Variants in PROM1 observed in about 807,000 individuals in gnomAD.
PROM1 encodes the protein prominin-1.
In PROM1, 105 loss-of-function variants were observed where a neutral mutation model predicts 116.9. The ratio of observed to expected loss-of-function variants is 0.90; its 90% CI spans 0.77 to 1.06. PROM1 has a LOEUF of 1.06. Among genes scored for constraint, PROM1 ranks in the 50% least tolerant of loss-of-function variants. The pLI is 0.00. For missense variants in PROM1, 1,122 were observed against 1,045.2 expected, an observed-to-expected ratio of 1.07 and a Z score of -1.01; for synonymous variants, 393 against 387.0, an observed-to-expected ratio of 1.02 and a Z score of -0.18.
At chr4:16,027,375 A>C (rs1354062249) in intron 5 of PROM1, among the ~76,000 whole-genome samples, 9 of 152,112 alleles carry the variant, frequency 5.9e-5, no homozygotes, top group Admixed American at 5.9e-4. Context: ...CAAATTCAAA[A>C]CATGCTAGAC....
rs893214330 is a variant in PROM1 at position 16,060,293 on chromosome 4, A to C, written c.220+15394T>G. ...AAGTTTTAAAAGCAAGGAGCAGAAG[A>C]GCATGTCAAATAATTCCTTTTTTTT... On this transcript the variant is annotated intron_variant, in intron 2 of 27. Coordinates refer to ENST00000447510, the MANE Select transcript of PROM1 (RefSeq NM_006017.3). Among the ~76,000 whole-genome samples the C allele has an allele frequency of 2.0e-5, 3 of 147,028 alleles. No individual in the cohort carries two copies. The Admixed American group carries it at 2.2e-4, about 11-fold the overall frequency.
chr4:15,979,638 A>G (rs573091196), intron 25 of PROM1, among the ~76,000 whole-genome samples, 175 bp from the exon 26 acceptor site: 10 of 152,358 alleles, frequency 6.6e-5, no homozygotes, highest in Non-Finnish European at 1.2e-4. Flanking sequence ...CAAAGACCAA[A>G]GGACTACTTT....
chr4:15,980,256 T>C, intron 24 of PROM1, 166 bp downstream of exon 24: 2 of 560,832 alleles, frequency 3.6e-6, no homozygotes, highest in Non-Finnish European at 6.0e-6. Flanking sequence ...GAAAAATCAG[T>C]ACCAAGAAAA....
chr4:16,034,332 T>C (rs1190281732), intron 4 of PROM1, among the ~76,000 whole-genome samples: 2 of 152,158 alleles, frequency 1.3e-5, no homozygotes, highest in African/African-American at 4.8e-5. Context: ...CTGGAAATAA[T>C]AATACGTACC....
chr4:16,006,806 C>T, intron 12 of PROM1, 116 bp from the exon 13 acceptor site: 2 of 1,043,742 alleles, frequency 1.9e-6, no homozygotes, highest in African/African-American at 1.6e-5. Context: ...AAATCAGAGT[C>T]TTCTATCAAT....
chr4:16,062,374 T>C (rs978242900), intron 2 of PROM1, among the ~76,000 whole-genome samples: 1 of 152,340 alleles, frequency 6.6e-6, no homozygotes, highest in African/African-American at 2.4e-5. Flanking sequence ...CCCATAACAT[T>C]GGGTTTGCTC....
rs371571808 is a variant in PROM1 at position 16,035,587 on chromosome 4, C to T, written c.303+148G>A. The T allele has an allele frequency of 1.0e-5, 8 of 798,522 alleles. No individual in the cohort carries two copies. The African/African-American group carries it at 1.2e-4, about 12-fold the overall frequency. 49.5% of individuals were successfully genotyped at this position (798,522 alleles called of 1,614,324 possible). ...GTTGAAGATCAACATGTAAATATTA[C>T]AGAGATATCTTTCTTCAAAGAGAAG... On this transcript the variant is annotated intron_variant, in intron 4 of 27. Transcript: ENST00000447510.
intron 8 of PROM1, among the ~76,000 whole-genome samples, chr4:16,019,549 AG>A (rs1170432929): frequency 6.6e-6 from 1 of 152,242 alleles, no homozygotes; most frequent in Non-Finnish European, 1.5e-5. Context: ...CAGGAAACCC[AG>A]AAAAATTGTT....
chr4:16,013,354 A>T lies in PROM1; in HGVS notation c.1078-16T>A. 1 of 1,571,994 alleles carries T rather than the reference A, an allele frequency of 6.4e-7. No homozygotes were observed. On this transcript the variant is annotated splice_polypyrimidine_tract_variant and intron_variant, in intron 10 of 27. Transcript: ENST00000447510. ...ATTGATAGCCCTGAAAAATATTTCA[A>T]AATAAAAGGATGTACACAGTTAAGT...
intron 23 of PROM1, among the ~76,000 whole-genome samples, chr4:15,981,883 A>G (rs1718055086): frequency 1.3e-5 from 2 of 152,332 alleles, no homozygotes; most frequent in Non-Finnish European, 2.9e-5. Context: ...TGAAAATTCT[A>G]AAGTTCCATC....
intron 2 of PROM1, among the ~76,000 whole-genome samples, chr4:16,052,835 A>G (rs957404964): frequency 6.6e-6 from 1 of 152,212 alleles, no homozygotes; most frequent in Admixed American, 6.5e-5. Flanking sequence ...CCCTAGGCAA[A>G]TGATTGTTGG....
chr4:16,054,463 T>A (rs1738548243), intron 2 of PROM1, among the ~76,000 whole-genome samples: 1 of 152,180 alleles, frequency 6.6e-6, no homozygotes, highest in South Asian at 2.1e-4. Flanking sequence ...AGCGCTCTCT[T>A]TTATTCTCAA....
chr4:15,982,696 T>G (rs571978307), intron 23 of PROM1, among the ~76,000 whole-genome samples: 1 of 152,076 alleles, frequency 6.6e-6, no homozygotes, highest in African/African-American at 2.4e-5. Context: ...AGGCTGGACA[T>G]AGAGAGACGT....
intron 27 of PROM1, among the ~76,000 whole-genome samples, chr4:15,970,168 C>CTT (rs200730261): frequency 5.7e-5 from 8 of 139,414 alleles, no homozygotes; most frequent in Non-Finnish European, 7.9e-5. Flanking sequence ...CTTTTCTTTT[C>CTT]TTTTTTTTTT....
intron 5 of PROM1, among the ~76,000 whole-genome samples, chr4:16,027,297 A>AACACACACACACACACACACACAC (rs144910885): frequency 8.2e-5 from 12 of 147,236 alleles, no homozygotes; most frequent in African/African-American, 2.3e-4. Flanking sequence ...GTGAAGAAGA[A>AACACACACACACACACACACACAC]ACACACACAC....
intron 2 of PROM1, among the ~76,000 whole-genome samples, chr4:16,074,709 G>C (rs1368512866): frequency 1.3e-5 from 2 of 152,156 alleles, no homozygotes; most frequent in East Asian, 3.8e-4. Context: ...CAATACAAAT[G>C]TATTTTAATG....
rs201662148 is a variant in PROM1, at chr4:16,023,396, T to C, written c.714A>G (p.Gly238=). Residue 238 remains glycine, a synonymous_variant, in exon 8 of 28, where the codon GGA becomes GGG. Coordinates refer to ENST00000447510, the MANE Select transcript of PROM1 (RefSeq NM_006017.3). ...GTCTCAGTCGGTCAAGAATTCCGCC[T>C]CCTAGCACTGAATTGATACCTACAT... ...TDLNSINSVL[G]GGILDRLRPN... 247 of 1,603,448 alleles carry C rather than the reference T, an allele frequency of 1.5e-4. No individual in the cohort carries two copies. In the African/African-American group the frequency reaches 3.0e-3, roughly 19 times the overall value.
chr4:15,982,370 T>C (rs1189054769), intron 23 of PROM1, among the ~76,000 whole-genome samples: 1 of 152,202 alleles, frequency 6.6e-6, no homozygotes, highest in Non-Finnish European at 1.5e-5. Context: ...CCCTTCCCTC[T>C]ATGTTCTGTT....
chr4:16,006,603 A>T lies in PROM1; in HGVS notation c.1389T>A (p.Tyr463Ter), dbSNP rs780822880. The T allele has an allele frequency of 2.5e-6, 4 of 1,609,544 alleles. No individual in the cohort carries two copies. In the South Asian group the frequency reaches 4.5e-5, roughly 18 times the overall value. ...YLGLLCGVCG[Y>*]DRHATPTTRG... The stretch of plus-strand genomic sequence containing the variant: ...GGGTGGTCGGGGTGGCATGCCTGTC[A>T]TAGCCGCACACGCCACACAGTAAGC... The change falls in exon 13 of 28, where the codon TAT (tyrosine) becomes TAA (stop). Residue 463 changes from tyrosine (Y) to a stop codon, truncating the protein, a stop_gained. Transcript: ENST00000447510. LOFTEE classifies it high-confidence loss of function.
Sources: allele counts gnomAD v4.1 joint callset (sites outside exome capture counted in the v4.1 genomes callset), GRCh38; gene constraint gnomAD v4.1.1; transcripts MANE v1.5; gene names NCBI Gene and HGNC (gene_info 2026-07-23, HGNC 2026-07-21).